Variants in PCDHGA3 observed in about 807,000 individuals in gnomAD.
The protein encoded by PCDHGA3 is protocadherin gamma-A3.
PCDHGA3 carries 40 observed loss-of-function variants against 58.5 expected under a neutral mutation model. The ratio of observed to expected loss-of-function variants is 0.68; its 90% CI spans 0.53 to 0.89. The LOEUF is 0.89. Among genes scored for constraint, PCDHGA3 ranks in the 40% least tolerant of loss-of-function variants. PCDHGA3 has a pLI of 0.00. For missense variants in PCDHGA3, 1,223 were observed against 1,195.9 expected (o/e 1.02, Z -0.33); for synonymous variants, 530 against 525.7 (o/e 1.01, Z -0.11).
intron 1 of PCDHGA3, among the ~76,000 whole-genome samples, chr5:141,373,018 T>C (rs200877775): frequency 1.8e-4 from 27 of 152,226 alleles, no homozygotes; most frequent in Non-Finnish European, 1.5e-4. Context: ...CTCCTTTTGA[T>C]AGTCTTGAAA....
chr5:141,411,724 A>G (rs2095509404), intron 1 of PCDHGA3: 1 of 152,684 alleles, frequency 6.5e-6, no homozygotes, highest in South Asian at 2.1e-4. Flanking sequence ...GCTACAGAAC[A>G]TTTAAAAATT....
Position 141,486,070 on chromosome 5 carries a change from T to C in PCDHGA3, c.2425-8737T>C. ...ACCTCTTTAGCCTGCACCCCACTAC[T>C]GGAAAGCTTACTCTTTTGGGGCCCC... On this transcript the variant is annotated intron_variant, in intron 1 of 3. Coordinates refer to ENST00000253812, the MANE Select transcript of PCDHGA3 (RefSeq NM_018916.4). The surrounding 1 kb of genome is among the most constrained non-coding windows in gnomAD (Gnocchi z 5.0). 6.2e-7 allele frequency: 1 copy of C among 1,614,158 alleles called. No homozygotes were observed. The highest frequency in any genetic ancestry group is 8.5e-7 in the Non-Finnish European group (1 of 1,180,010).
chr5:141,412,183 C>A (rs1243084028), intron 1 of PCDHGA3: 1 of 152,188 alleles, frequency 6.6e-6, no homozygotes, highest in African/African-American at 2.4e-5. Context: ...GGTATTAATG[C>A]TCTGATGAAA....
chr5:141,383,833 A>T (rs1264167021), intron 1 of PCDHGA3: 2 of 1,613,926 alleles, frequency 1.2e-6, no homozygotes, highest in Non-Finnish European at 1.7e-6. Flanking sequence ...TTATGAAGAA[A>T]CTGCCTTCTA....
chr5:141,466,928 T>TTAG (rs1231908662), intron 1 of PCDHGA3, among the ~76,000 whole-genome samples: 1 of 152,220 alleles, frequency 6.6e-6, no homozygotes, highest in Non-Finnish European at 1.5e-5. Context: ...ATTAGGAATA[T>TTAG]TAGTCCTTTG....
chr5:141,432,427 C>G lies in PCDHGA3; in HGVS notation c.2425-62380C>G. 5 of 1,614,242 alleles carry G rather than the reference C, an allele frequency of 3.1e-6. No homozygotes were observed. The highest frequency in any genetic ancestry group is 4.2e-6 in the Non-Finnish European group (5 of 1,180,036). On this transcript the variant is annotated intron_variant, in intron 1 of 3. Transcript: ENST00000253812. The surrounding 1 kb of genome is among the most constrained non-coding windows in gnomAD (Gnocchi z 6.0). ...TGAGCCTGTTCGTGCTGGACCAGAA[C>G]GACAATGCGCCCGAGATCCTGTACC... is the stretch of plus-strand genomic sequence containing the variant.
Position 141,408,360 on chromosome 5 carries a change from A to G in PCDHGA3, c.2424+61903A>G, listed in dbSNP as rs373951875. 2.4e-5 allele frequency: 38 copies of G among 1,613,808 alleles called. No homozygotes were observed. In the African/African-American group the frequency reaches 3.7e-4, roughly 16 times the overall value. ...TCGGTGGTGGGGAACCTCGCTAAGG[A>G]TCTAGGGCTCAGTGTCCTGGATGTG... On this transcript the variant is annotated intron_variant, in intron 1 of 3. Coordinates refer to ENST00000253812, the MANE Select transcript of PCDHGA3 (RefSeq NM_018916.4).
intron 1 of PCDHGA3, chr5:141,420,929 G>A (rs1321290902): frequency 1.4e-5 from 5 of 362,196 alleles, no homozygotes; most frequent in Non-Finnish European, 2.5e-5. Flanking sequence ...AAAGGTGAGC[G>A]TAATCATTTC....
Position 141,395,219 on chromosome 5 carries a change from T to G in PCDHGA3, c.2424+48762T>G, listed in dbSNP as rs1303078300. On this transcript the variant is annotated intron_variant, in intron 1 of 3. Coordinates refer to ENST00000253812, the MANE Select transcript of PCDHGA3 (RefSeq NM_018916.4). Reference sequence around the variant, plus strand: ...CCGTAGATTTTCATGAATATAAGAATGAAGCTGATCATGGTCAGGTGAGTT... The same window carrying G: ...CCGTAGATTTTCATGAATATAAGAAGGAAGCTGATCATGGTCAGGTGAGTT... 3.7e-6 allele frequency: 6 copies of G among 1,611,924 alleles called. No individual in the cohort carries two copies. In the African/African-American group the frequency reaches 4.0e-5, roughly 11 times the overall value.
intron 1 of PCDHGA3, among the ~76,000 whole-genome samples, chr5:141,359,797 G>A (rs1404326992): frequency 6.6e-6 from 1 of 152,066 alleles, no homozygotes; most frequent in African/African-American, 2.4e-5. Context: ...TGCATCTTTT[G>A]AATTTGGAAC....
intron 1 of PCDHGA3, among the ~76,000 whole-genome samples, chr5:141,380,225 C>T (rs1000476704): frequency 6.6e-6 from 1 of 152,124 alleles, no homozygotes; most frequent in Non-Finnish European, 1.5e-5. Context: ...TCTGATCAGG[C>T]TTCTGTTGAG....
In PCDHGA3 at chr5:141,491,283, C is replaced by G; in HGVS notation, c.2425-3524C>G. ...AAATGCCCAAATCCAGTGACTTCCT[C>G]ATACACCCTCCTGAGCGTTCAGACC... On this transcript the variant is annotated intron_variant, in intron 1 of 3. Coordinates refer to ENST00000253812, the MANE Select transcript of PCDHGA3 (RefSeq NM_018916.4). The surrounding 1 kb of genome is among the most constrained non-coding windows in gnomAD (Gnocchi z 6.9). The G allele has an allele frequency of 1.2e-6, 2 of 1,614,164 alleles. No homozygotes were observed.
chr5:141,349,171 G>C (rs1007619179), intron 1 of PCDHGA3, among the ~76,000 whole-genome samples: 1 of 152,186 alleles, frequency 6.6e-6, no homozygotes, highest in African/African-American at 2.4e-5. Flanking sequence ...CCTGAGTTAA[G>C]TGATTCTGCT....
At position 141,476,128 on chromosome 5, in the gene PCDHGA3, G is replaced by A. The variant is rs1450094771; in HGVS notation, c.2425-18679G>A. 1 of 1,606,456 alleles carries A rather than the reference G, an allele frequency of 6.2e-7. No homozygotes were observed. Among genetic ancestry groups the A allele is most frequent in the African/African-American group, 1.3e-5 (1 of 74,874 alleles). On this transcript the variant is annotated intron_variant, in intron 1 of 3. Transcript: ENST00000253812. The surrounding 1 kb of genome is among the most constrained non-coding windows in gnomAD (Gnocchi z 7.6). ...TGCTTTTGAGTGAGATGGTCCCAGA[G>A]GCCTGGAGGAGCGGACTGGTAAGCA...
At chr5:141,353,983 T>A (rs914733531) in intron 1 of PCDHGA3, among the ~76,000 whole-genome samples, 3 of 152,236 alleles carry the variant, frequency 2.0e-5, no homozygotes, top group Admixed American at 1.3e-4. Context: ...CTGCTTTATC[T>A]CAAATTTTCA....
At chr5:141,413,230 C>A in intron 1 of PCDHGA3, 1 of 1,613,942 alleles carries the variant, frequency 6.2e-7, no homozygotes. Context: ...CGGGCTGGTC[C>A]TGCTCTGCCT....
chr5:141,484,277 G>T (rs1026083889), intron 1 of PCDHGA3, among the ~76,000 whole-genome samples: 1 of 152,126 alleles, frequency 6.6e-6, no homozygotes, highest in South Asian at 2.1e-4. Context: ...TTACTGTTTT[G>T]AAACATCTCC....
At chr5:141,371,628 C>A (rs1247615659) in intron 1 of PCDHGA3, 2 of 1,614,008 alleles carry the variant, frequency 1.2e-6, no homozygotes, top group South Asian at 1.1e-5. Context: ...AGCCCTGGAC[C>A]GGGAGCAGAT....
At chr5:141,391,886 A>C (rs2092436812) in intron 1 of PCDHGA3, 1 of 152,206 alleles carries the variant, frequency 6.6e-6, no homozygotes, top group Non-Finnish European at 1.5e-5. Flanking sequence ...GGTGAAAGGG[A>C]TGGGATGGAG....
Sources: gnomAD v4.1 joint callset for allele counts (sites outside exome capture counted in the v4.1 genomes callset) on GRCh38, gnomAD v4.1.1 for gene constraint, Gnocchi (gnomAD v3.1) non-coding constraint, MANE v1.5 for transcripts, NCBI Gene and HGNC (gene_info 2026-07-23, HGNC 2026-07-21) for gene names.